Variants in EXT1 observed in about 807,000 individuals in gnomAD.
The protein encoded by EXT1 is exostosin-1.
In EXT1, 20 loss-of-function variants were observed where a neutral mutation model predicts 82.5. The ratio of observed to expected loss-of-function variants is 0.24; its 90% CI spans 0.17 to 0.35. The LOEUF (loss-of-function observed/expected upper bound fraction) is 0.35, where lower values mean the gene tolerates loss of function less well. EXT1 is among the 10% of genes least tolerant of loss of function. The pLI is 1.00. For missense variants in EXT1, 757 were observed against 936.5 expected, an observed-to-expected ratio of 0.81 and a Z score of 2.50; for synonymous variants, 348 against 350.8, an observed-to-expected ratio of 0.99 and a Z score of 0.09.
intron 1 of EXT1, among the ~76,000 whole-genome samples, chr8:117,916,594 T>C (rs1482036491): frequency 6.6e-6 from 1 of 151,990 alleles, no homozygotes; most frequent in Non-Finnish European, 1.5e-5. Context: ...TAACAGAGAG[T>C]TCAGATTTCA....
chr8:117,988,265 C>A (rs1316298021), intron 1 of EXT1, among the ~76,000 whole-genome samples: 1 of 152,138 alleles, frequency 6.6e-6, no homozygotes, highest in Non-Finnish European at 1.5e-5. Flanking sequence ...ACATAATTAA[C>A]CTCTAACAAA....
At chr8:118,044,304 G>T (rs1233810105) in intron 1 of EXT1, among the ~76,000 whole-genome samples, 2 of 152,116 alleles carry the variant, frequency 1.3e-5, no homozygotes, top group Non-Finnish European at 2.9e-5. Flanking sequence ...GTTAATGGTT[G>T]ATCAAACCAG....
At chr8:118,066,707 C>G (rs1465745180) in intron 1 of EXT1, among the ~76,000 whole-genome samples, 1 of 152,070 alleles carries the variant, frequency 6.6e-6, no homozygotes, top group Non-Finnish European at 1.5e-5. Flanking sequence ...ATAGAACAAA[C>G]AAATATGTGT....
intron 1 of EXT1, among the ~76,000 whole-genome samples, chr8:117,921,024 A>G (rs1813844805): frequency 6.6e-6 from 1 of 152,244 alleles, no homozygotes; most frequent in Admixed American, 6.5e-5. Context: ...ATACACCATC[A>G]CAGGTCATCC....
chr8:118,022,994 T>C (rs1371038775), intron 1 of EXT1, among the ~76,000 whole-genome samples: 1 of 152,134 alleles, frequency 6.6e-6, no homozygotes, highest in Non-Finnish European at 1.5e-5. Context: ...GAACAGGTGG[T>C]TAGAGGATTC....
intron 1 of EXT1, among the ~76,000 whole-genome samples, chr8:117,864,333 T>A (rs1479587914): frequency 6.6e-6 from 1 of 152,202 alleles, no homozygotes; most frequent in African/African-American, 2.4e-5. Context: ...TTTGCTTGCC[T>A]TTTTTGGGAA....
At chr8:117,935,935 G>A (rs1466590497) in intron 1 of EXT1, among the ~76,000 whole-genome samples, 1 of 152,058 alleles carries the variant, frequency 6.6e-6, no homozygotes, top group African/African-American at 2.4e-5. Context: ...TTACAAAGAA[G>A]GAACACCAGG....
In EXT1 at chr8:117,873,447, C is replaced by CTGT. The variant is rs1470618787; in HGVS notation, c.963-36247_963-36246insACA. On this transcript the variant is annotated intron_variant, in intron 1 of 10. Coordinates refer to ENST00000378204, the MANE Select transcript of EXT1 (RefSeq NM_000127.3). ...GGTTAAGACCAATGTTGTCCTGTGA[C>CTGT]TTTTTTTTTTTTTTTTTTTTTTTTT... Among the ~76,000 whole-genome samples the CTGT allele has an allele frequency of 2.7e-4, 27 of 99,670 alleles. 2 individuals are homozygous for CTGT. The highest frequency in any genetic ancestry group is 1.0e-3 in the African/African-American group (25 of 24,312). The allele number at this position is 99,670 out of a possible 152,430, so 65.4% of individuals were successfully genotyped here.
At chr8:117,875,145 C>A (rs1414176233) in intron 1 of EXT1, among the ~76,000 whole-genome samples, 1 of 151,806 alleles carries the variant, frequency 6.6e-6, no homozygotes. Context: ...GGCCAGGCGC[C>A]GTGGCTCACG....
At chr8:117,855,921 C>T (rs1179116632) in intron 1 of EXT1, among the ~76,000 whole-genome samples, 1 of 152,216 alleles carries the variant, frequency 6.6e-6, no homozygotes, top group African/African-American at 2.4e-5. Context: ...CCACCCGCCT[C>T]GGCCTCCCAA....
chr8:117,952,466 C>G (rs908928818), intron 1 of EXT1, among the ~76,000 whole-genome samples: 1 of 152,136 alleles, frequency 6.6e-6, no homozygotes, highest in African/African-American at 2.4e-5. Flanking sequence ...TATAATCAAC[C>G]CTCAAAAAAT....
At chr8:117,940,705 A>G (rs1460490271) in intron 1 of EXT1, among the ~76,000 whole-genome samples, 1 of 152,224 alleles carries the variant, frequency 6.6e-6, no homozygotes, top group Non-Finnish European at 1.5e-5. Flanking sequence ...TCATTAGTTC[A>G]GAATGAGAAT....
chr8:118,099,749 G>A lies in EXT1; in HGVS notation c.962+10336C>T, dbSNP rs12678565. Among the ~76,000 whole-genome samples the A allele has an allele frequency of 4.6e-3, 701 of 152,326 alleles. 8 individuals are homozygous for A. The East Asian group carries it at 0.048, about 10-fold the overall frequency. On this transcript the variant is annotated intron_variant, in intron 1 of 10. Transcript: ENST00000378204. Reference sequence around the variant, plus strand: ...TAAAGAAGATACTTCTCATTACCCTGCACATAGGATGTGCTTAGATATGAG... The same window carrying A: ...TAAAGAAGATACTTCTCATTACCCTACACATAGGATGTGCTTAGATATGAG...
intron 1 of EXT1, among the ~76,000 whole-genome samples, chr8:117,894,947 GAT>G (rs1226364419): frequency 2.6e-5 from 4 of 152,214 alleles, no homozygotes; most frequent in Non-Finnish European, 5.9e-5. Flanking sequence ...GAAATGTGTA[GAT>G]ATGAGAGTTT....
chr8:117,967,229 A>C (rs1814837027), intron 1 of EXT1, among the ~76,000 whole-genome samples: 1 of 152,242 alleles, frequency 6.6e-6, no homozygotes, highest in Non-Finnish European at 1.5e-5. Flanking sequence ...CTGGCACTTG[A>C]AGGTGAGCAT....
intron 1 of EXT1, among the ~76,000 whole-genome samples, chr8:117,900,984 G>C (rs1813436860): frequency 6.6e-6 from 1 of 152,190 alleles, no homozygotes; most frequent in Non-Finnish European, 1.5e-5. Flanking sequence ...CCTGTACAAA[G>C]TCTCAGTCTT....
At chr8:117,966,424 C>T (rs968360925) in intron 1 of EXT1, among the ~76,000 whole-genome samples, 3 of 152,204 alleles carry the variant, frequency 2.0e-5, no homozygotes, top group African/African-American at 7.2e-5. Context: ...TCAACAAGGT[C>T]TGTTATATTA....
chr8:117,876,713 A>G (rs959337736), intron 1 of EXT1, among the ~76,000 whole-genome samples: 22 of 152,210 alleles, frequency 1.4e-4, no homozygotes, highest in Admixed American at 1.4e-3. Context: ...TTACTTTCCT[A>G]TCAGGCAGGA....
At chr8:117,993,627 T>C (rs1815479238) in intron 1 of EXT1, among the ~76,000 whole-genome samples, 1 of 152,064 alleles carries the variant, frequency 6.6e-6, no homozygotes, top group Admixed American at 6.6e-5. Context: ...AGAAAAGGGG[T>C]TCTGTTCATA....
Sources: allele counts gnomAD v4.1 joint callset (sites outside exome capture counted in the v4.1 genomes callset), GRCh38; gene constraint gnomAD v4.1.1; transcripts MANE v1.5; gene names NCBI Gene and HGNC (gene_info 2026-07-23, HGNC 2026-07-21).